The following CELF4 variants were observed in gnomAD, a reference collection of about 807,000 sequenced individuals.
CELF4 encodes the protein CUGBP Elav-like family member 4, also known as CUG-BP- and ETR-3-like factor 4.
CELF4 carries 18 observed loss-of-function variants against 59.9 expected under a neutral mutation model. The ratio of observed to expected loss-of-function variants is 0.30; its 90% CI spans 0.21 to 0.45. The LOEUF is 0.45. Ranked by LOEUF, CELF4 falls within the 20% of genes least tolerant of loss-of-function variation. CELF4 has a pLI of 1.00. For missense variants in CELF4, 456 were observed against 689.0 expected, an observed-to-expected ratio of 0.66 and a Z score of 3.79; for synonymous variants, 261 against 267.1, an observed-to-expected ratio of 0.98 and a Z score of 0.22.
chr18:37,562,202 C>T (rs940713707), intron 1 of CELF4, among the ~76,000 whole-genome samples: 5 of 152,178 alleles, frequency 3.3e-5, no homozygotes, highest in Non-Finnish European at 7.3e-5. Flanking sequence ...CCTCCACAGA[C>T]TCCCAATTTG....
chr18:37,273,961 C>A, intron 6 of CELF4: 1 of 1,122,610 alleles, frequency 8.9e-7, no homozygotes, highest in Non-Finnish European at 1.1e-6. Flanking sequence ...GGTTTGCAAC[C>A]AATGACCTGA....
intron 1 of CELF4, among the ~76,000 whole-genome samples, chr18:37,560,301 C>A (rs754764534): frequency 6.6e-6 from 1 of 152,176 alleles, no homozygotes; most frequent in Non-Finnish European, 1.5e-5. Context: ...CCAAGAAAGT[C>A]TGTTTAAAAG....
chr18:37,539,636 C>T (rs764913838), intron 1 of CELF4, among the ~76,000 whole-genome samples: 6 of 152,182 alleles, frequency 3.9e-5, no homozygotes, highest in African/African-American at 1.4e-4. Flanking sequence ...TCAGTGCACA[C>T]GCAATGCTCT....
intron 3 of CELF4, among the ~76,000 whole-genome samples, chr18:37,298,328 C>T (rs1164215893): frequency 2.0e-5 from 3 of 152,200 alleles, no homozygotes; most frequent in Admixed American, 2.0e-4. Flanking sequence ...GCAGTGACCT[C>T]CTGACTGTCC....
intron 1 of CELF4, among the ~76,000 whole-genome samples, chr18:37,565,136 A>C (rs1210702473): frequency 6.6e-6 from 1 of 151,956 alleles, no homozygotes. Context: ...TCTCCATGGC[A>C]TCGTTCCTAT....
rs550289493 is a variant in CELF4 at position 37,470,135 on chromosome 18, A to G, written c.369+15390T>C. ...GTAGATTTCAATGCTACCGAGTCAG[A>G]ATAGAGGGTAATTTGGACTTTAGGT... On this transcript the variant is annotated intron_variant, in intron 2 of 12. Transcript: ENST00000420428. Among the ~76,000 whole-genome samples the G allele has an allele frequency of 3.3e-5, 5 of 152,346 alleles. No individual in the cohort carries two copies. In the East Asian group the frequency reaches 9.7e-4, roughly 29 times the overall value.
intron 2 of CELF4, among the ~76,000 whole-genome samples, chr18:37,349,920 A>G (rs2098403896): frequency 6.6e-6 from 1 of 152,188 alleles, no homozygotes; most frequent in Non-Finnish European, 1.5e-5. Context: ...TCACAGGGCA[A>G]GGGATGGGTG....
intron 1 of CELF4, among the ~76,000 whole-genome samples, chr18:37,560,517 T>A (rs1326169445): frequency 6.6e-6 from 1 of 152,228 alleles, no homozygotes; most frequent in East Asian, 1.9e-4. Context: ...CCTGTTTTTT[T>A]AAAAAATGCT....
rs549760535 is a variant in CELF4, at chr18:37,334,658, G to T, written c.370-12777C>A. On this transcript the variant is annotated intron_variant, in intron 2 of 12. Coordinates refer to ENST00000420428, the MANE Select transcript of CELF4 (RefSeq NM_020180.4). ...CCACTCCCCCCGGACTGTGGACTCTGTTTCTAAGCTGAGCCTCTCCACGGC... is the reference window on the plus strand; with the variant it reads ...CCACTCCCCCCGGACTGTGGACTCTTTTTCTAAGCTGAGCCTCTCCACGGC... Among the ~76,000 whole-genome samples the T allele has an allele frequency of 9.9e-5, 15 of 152,056 alleles. No homozygotes were observed. The East Asian group carries it at 2.9e-3, about 30-fold the overall frequency.
chr18:37,251,879 CAT>C (rs762615023), intron 12 of CELF4, among the ~76,000 whole-genome samples: 34 of 152,188 alleles, frequency 2.2e-4, no homozygotes, highest in Non-Finnish European at 4.0e-4. Flanking sequence ...CTCTGAATAA[CAT>C]GTGTGTTTGC....
intron 2 of CELF4, among the ~76,000 whole-genome samples, chr18:37,336,250 G>T (rs2097767463): frequency 6.6e-6 from 1 of 152,190 alleles, no homozygotes; most frequent in African/African-American, 2.4e-5. Context: ...CCTGTGTAGG[G>T]CCTCACTCTG....
chr18:37,507,851 A>G (rs557236827), intron 1 of CELF4, among the ~76,000 whole-genome samples: 1 of 152,070 alleles, frequency 6.6e-6, no homozygotes, highest in Non-Finnish European at 1.5e-5. Flanking sequence ...GGCCCCTGTT[A>G]TGTGCCCACA....
chr18:37,408,491 C>CA (rs777473520), intron 2 of CELF4, among the ~76,000 whole-genome samples: 1 of 40,994 alleles, frequency 2.4e-5, no homozygotes, highest in African/African-American at 4.7e-5. Context: ...TTGGTTGGTG[C>CA]CGGGGGGGGG....
intron 3 of CELF4, among the ~76,000 whole-genome samples, chr18:37,281,054 A>G (rs1403528929): frequency 6.6e-6 from 1 of 152,234 alleles, no homozygotes; most frequent in Non-Finnish European, 1.5e-5. Flanking sequence ...TCAGGGTATC[A>G]GGGAAGGATG....
chr18:37,343,495 T>C (rs747174382), intron 2 of CELF4, among the ~76,000 whole-genome samples: 2 of 151,858 alleles, frequency 1.3e-5, no homozygotes, highest in Non-Finnish European at 2.9e-5. Flanking sequence ...CCGGGTGCAG[T>C]CTAAGGGTTG....
chr18:37,419,377 C>T (rs2099554666), intron 2 of CELF4, among the ~76,000 whole-genome samples: 1 of 152,186 alleles, frequency 6.6e-6, no homozygotes, highest in Non-Finnish European at 1.5e-5. Context: ...ACCACTGGCA[C>T]TCTGTGAGTC....
chr18:37,428,448 T>C (rs2099627889), intron 2 of CELF4, among the ~76,000 whole-genome samples: 1 of 150,916 alleles, frequency 6.6e-6, no homozygotes, highest in Non-Finnish European at 1.5e-5. Context: ...AGCAGAGAGG[T>C]TTTTCTATGG....
intron 1 of CELF4, among the ~76,000 whole-genome samples, chr18:37,528,812 A>G (rs2154604969): frequency 6.6e-6 from 1 of 152,254 alleles, no homozygotes; most frequent in South Asian, 2.1e-4. Context: ...GAAAAACCTC[A>G]ACACCACAGT....
intron 3 of CELF4, among the ~76,000 whole-genome samples, chr18:37,278,164 C>T (rs773431611): frequency 2.0e-5 from 3 of 152,006 alleles, no homozygotes; most frequent in Non-Finnish European, 4.4e-5. Flanking sequence ...CTCAGTTAAG[C>T]GCCTCCTTCT....
Sources: allele counts gnomAD v4.1 joint callset (sites outside exome capture counted in the v4.1 genomes callset), GRCh38; gene constraint gnomAD v4.1.1; transcripts MANE v1.5; gene names NCBI Gene and HGNC (gene_info 2026-07-23, HGNC 2026-07-21).